Variants in FHL5 observed in about 807,000 individuals in gnomAD.
FHL5 encodes the protein four and a half LIM domains 5, also known as four and a half LIM domains protein 5.
A neutral mutation model predicts 32.0 loss-of-function variants in FHL5; 33 were observed. The ratio of observed to expected loss-of-function variants is 1.03; its 90% CI spans 0.78 to 1.38. The LOEUF (loss-of-function observed/expected upper bound fraction) is 1.38. Ranked by LOEUF, FHL5 falls within the 40% of genes most tolerant of loss-of-function variation. FHL5 has a pLI of 0.00. For synonymous variants in FHL5, 114 were observed against 113.6 expected (o/e 1.00, Z -0.02); for missense variants, 336 against 343.9 (o/e 0.98, Z 0.18).
At position 96,604,780 on chromosome 6, in the gene FHL5, G is replaced by GA; in HGVS notation, c.192dup (p.Gly65ArgfsTer22). ...TTGTTACAAAGACCGGCACTGGCAT[G>GA]AAGGATGCTTCAAGTGCACCAAATG... On this transcript the variant is annotated frameshift_variant, in exon 3 of 6. Transcript: ENST00000450218. LOFTEE classifies it high-confidence loss of function. 1 of 1,613,652 alleles carries GA rather than the reference G, an allele frequency of 6.2e-7. No individual in the cohort carries two copies. The highest frequency in any genetic ancestry group is 8.5e-7 in the Non-Finnish European group (1 of 1,179,778).
At position 96,606,343 on chromosome 6, in the gene FHL5, T is replaced by G. The variant is rs143938208; in HGVS notation, c.504+272T>G. ...GTATTCCAGTTCATTTCACTGTTTT[T>G]TGTTGTTGTTGTTGTTTTATTTTTT... is the stretch of plus-strand genomic sequence containing the variant. On this transcript the variant is annotated intron_variant, in intron 4 of 5. Transcript: ENST00000450218. 2.6e-3 allele frequency among the ~76,000 whole-genome samples: 393 copies of G among 152,070 alleles called. 1 individual carries two copies. The highest frequency in any genetic ancestry group is 9.1e-3 in the African/African-American group (378 of 41,488).
At chr6:96,568,790 C>T (rs979714619) in intron 1 of FHL5, among the ~76,000 whole-genome samples, 12 of 151,632 alleles carry the variant, frequency 7.9e-5, no homozygotes, top group Non-Finnish European at 1.5e-4. Context: ...TTTTGTATTT[C>T]TATGGTATTA....
At chr6:96,570,262 A>G (rs1770447560) in intron 1 of FHL5, among the ~76,000 whole-genome samples, 1 of 152,096 alleles carries the variant, frequency 6.6e-6, no homozygotes, top group African/African-American at 2.4e-5. Context: ...ATTCTTAGCT[A>G]GCAATTTTTT....
chr6:96,591,522 G>C (rs557437656), intron 1 of FHL5, among the ~76,000 whole-genome samples: 1 of 152,092 alleles, frequency 6.6e-6, no homozygotes, highest in South Asian at 2.1e-4. Flanking sequence ...AGTTTCTGAT[G>C]GCCTGAAAAT....
intron 1 of FHL5, among the ~76,000 whole-genome samples, chr6:96,576,793 C>T (rs1770592966): frequency 6.6e-6 from 1 of 152,218 alleles, no homozygotes; most frequent in African/African-American, 2.4e-5. Flanking sequence ...AAGGTCTCTG[C>T]TCTGTGTGAT....
At position 96,617,554 on chromosome 6, in the gene FHL5, C is replaced by T. The variant is rs1771548335; in HGVS notation, c.*1782C>T. ...TCATATTCACATTGAAAAATACAGGCAAAACTATCAATATTTTTTCTGCAT... is the reference window on the plus strand; with the variant it reads ...TCATATTCACATTGAAAAATACAGGTAAAACTATCAATATTTTTTCTGCAT... On this transcript the variant is annotated 3_prime_UTR_variant, in exon 6 of 6. Coordinates refer to ENST00000450218, the MANE Select transcript of FHL5 (RefSeq NM_001322466.2). Among the ~76,000 whole-genome samples, 1 of 151,910 alleles carries T rather than the reference C, an allele frequency of 6.6e-6. No individual in the cohort carries two copies. Among genetic ancestry groups the T allele is most frequent in the African/African-American group, 2.4e-5 (1 of 41,358 alleles).
intron 1 of FHL5, among the ~76,000 whole-genome samples, chr6:96,584,582 G>C (rs1770761801): frequency 6.6e-6 from 1 of 151,864 alleles, no homozygotes; most frequent in Non-Finnish European, 1.5e-5. Context: ...GTTGAGTTTA[G>C]ATTTTATAGT....
At chr6:96,578,571 G>A (rs1160472680) in intron 1 of FHL5, among the ~76,000 whole-genome samples, 1 of 152,172 alleles carries the variant, frequency 6.6e-6, no homozygotes, top group East Asian at 1.9e-4. Flanking sequence ...ACCACGCACA[G>A]TGGCTCACGC....
In FHL5 at chr6:96,605,950, T is replaced by C; in HGVS notation, c.383T>C (p.Phe128Ser). The change falls in exon 4 of 6, where the codon TTT becomes TCT. Residue 128 changes from phenylalanine (F) to serine (S), a missense_variant. Physicochemically the swap from Phe to Ser is radical, Grantham distance 155. Coordinates refer to ENST00000450218, the MANE Select transcript of FHL5 (RefSeq NM_001322466.2). ...GGAAACTACTGGCATGAAACCTGTT[T>C]TGTGTGTGAGAATTGCCGACAACCT... ...FKGNYWHETC[F>S]VCENCRQPIG... 1.2e-6 allele frequency: 2 copies of C among 1,614,102 alleles called. No homozygotes were observed.
chr6:96,615,243 C>T (rs1771492852), intron 5 of FHL5, among the ~76,000 whole-genome samples: 1 of 152,234 alleles, frequency 6.6e-6, no homozygotes. Context: ...TGTATTCATA[C>T]TTAGATATCT....
intron 1 of FHL5, among the ~76,000 whole-genome samples, chr6:96,588,325 C>T (rs12204068): frequency 0.16 from 23,817 of 152,216 alleles, 2,047 homozygotes; most frequent in Middle Eastern, 0.26. Flanking sequence ...ATTCTCCTGC[C>T]TCAGCCTCCC....
intron 5 of FHL5, among the ~76,000 whole-genome samples, chr6:96,613,287 A>T (rs953519874): frequency 6.6e-6 from 1 of 152,320 alleles, no homozygotes; most frequent in Non-Finnish European, 1.5e-5. Flanking sequence ...TCTACCCATA[A>T]ATCACCAAGT....
chr6:96,577,923 T>C (rs1385795510), intron 1 of FHL5, among the ~76,000 whole-genome samples: 1 of 151,884 alleles, frequency 6.6e-6, no homozygotes, highest in African/African-American at 2.4e-5. Flanking sequence ...TTTTTACTAG[T>C]TTGTCAGCTT....
chr6:96,580,270 C>A (rs938897367), intron 1 of FHL5, among the ~76,000 whole-genome samples: 1 of 152,138 alleles, frequency 6.6e-6, no homozygotes, highest in Non-Finnish European at 1.5e-5. Context: ...TCAGTTTTAT[C>A]CAAGACCTTT....
chr6:96,595,610 T>C (rs970497146), intron 1 of FHL5, among the ~76,000 whole-genome samples: 4 of 151,938 alleles, frequency 2.6e-5, no homozygotes, highest in African/African-American at 9.6e-5. Flanking sequence ...TCTTTTTAAC[T>C]GATATATTTT....
intron 1 of FHL5, among the ~76,000 whole-genome samples, chr6:96,594,243 A>G (rs879323273): frequency 0.041 from 3,447 of 84,160 alleles, 175 homozygotes; most frequent in Non-Finnish European, 0.056. Context: ...ATATATATAT[A>G]TATATATATA....
At chr6:96,601,933 A>G (rs1419304303) in intron 1 of FHL5, among the ~76,000 whole-genome samples, 3 of 152,214 alleles carry the variant, frequency 2.0e-5, no homozygotes, top group Non-Finnish European at 4.4e-5. Context: ...TGGAGAATTC[A>G]ATGTTCCTTT....
intron 1 of FHL5, among the ~76,000 whole-genome samples, chr6:96,599,990 C>G (rs1311111673): frequency 6.6e-6 from 1 of 152,156 alleles, no homozygotes; most frequent in Non-Finnish European, 1.5e-5. Flanking sequence ...TACAGCTCTA[C>G]CTGTTAGGGA....
chr6:96,590,397 A>G (rs1304260144), intron 1 of FHL5, among the ~76,000 whole-genome samples: 1 of 151,998 alleles, frequency 6.6e-6, no homozygotes, highest in Non-Finnish European at 1.5e-5. Context: ...AATATCATAA[A>G]TGATTTTTTT....
Sources: allele counts gnomAD v4.1 joint callset (sites outside exome capture counted in the v4.1 genomes callset), GRCh38; gene constraint gnomAD v4.1.1; transcripts MANE v1.5; gene names NCBI Gene and HGNC (gene_info 2026-07-23, HGNC 2026-07-21).